KIAA1217: variants seen among roughly 807,000 people sequenced by gnomAD.
The protein encoded by KIAA1217 is KIAA1217.
KIAA1217 carries 88 observed loss-of-function variants against 163.9 expected under a neutral mutation model. That is an observed-to-expected ratio of 0.54 (90% CI 0.45 to 0.64). The LOEUF is 0.64. Among genes scored for constraint, KIAA1217 ranks in the 30% least tolerant of loss-of-function variants. The pLI is 0.00. For synonymous variants in KIAA1217, 903 were observed against 923.1 expected (o/e 0.98, Z 0.39); for missense variants, 2,372 against 2,475.0 (o/e 0.96, Z 0.88).
intron 1 of KIAA1217, among the ~76,000 whole-genome samples, chr10:23,784,624 T>C (rs1835408876): frequency 6.6e-6 from 1 of 152,224 alleles, no homozygotes; most frequent in African/African-American, 2.4e-5. Context: ...GTGCATTTAG[T>C]ATATGTTTTG....
At chr10:24,329,422 A>G (rs1413130365) in intron 2 of KIAA1217, among the ~76,000 whole-genome samples, 2 of 152,016 alleles carry the variant, frequency 1.3e-5, no homozygotes, top group Admixed American at 1.3e-4. Flanking sequence ...TTTCTAGAGT[A>G]AAATCATTAT....
intron 1 of KIAA1217, among the ~76,000 whole-genome samples, chr10:23,822,211 T>C (rs1046118950): frequency 6.6e-6 from 1 of 152,166 alleles, no homozygotes; most frequent in Non-Finnish European, 1.5e-5. Context: ...AAAGCCTGCA[T>C]AGGGCTTTTT....
intron 1 of KIAA1217, among the ~76,000 whole-genome samples, chr10:23,773,463 T>C (rs1385781389): frequency 6.6e-6 from 1 of 151,710 alleles, no homozygotes; most frequent in Non-Finnish European, 1.5e-5. Context: ...TTTGGTTCCA[T>C]ATGAACTTTA....
intron 3 of KIAA1217, among the ~76,000 whole-genome samples, chr10:24,395,635 T>C (rs2055625302): frequency 6.6e-6 from 1 of 152,238 alleles, no homozygotes; most frequent in Admixed American, 6.5e-5. Flanking sequence ...AGGCACGTTC[T>C]TGTGCTTCCA....
chr10:24,393,314 C>G (rs1475448443), intron 3 of KIAA1217, among the ~76,000 whole-genome samples: 1 of 152,160 alleles, frequency 6.6e-6, no homozygotes, highest in Non-Finnish European at 1.5e-5. Context: ...AGTGAAAGGT[C>G]CTGGTCTACT....
chr10:23,867,912 A>C (rs1034475236), intron 1 of KIAA1217, among the ~76,000 whole-genome samples: 2 of 152,134 alleles, frequency 1.3e-5, no homozygotes, highest in Non-Finnish European at 2.9e-5. Context: ...TGTTTTAGAC[A>C]TGAAGTCCTT....
At chr10:24,303,133 C>G (rs1396261199) in intron 2 of KIAA1217, among the ~76,000 whole-genome samples, 1 of 152,084 alleles carries the variant, frequency 6.6e-6, no homozygotes, top group Non-Finnish European at 1.5e-5. Flanking sequence ...CCCATCTCAG[C>G]CTTCCTAGTA....
intron 1 of KIAA1217, among the ~76,000 whole-genome samples, chr10:23,997,504 TG>T (rs1846537938): frequency 6.6e-6 from 1 of 152,210 alleles, no homozygotes; most frequent in African/African-American, 2.4e-5. Flanking sequence ...TAGTTTGTTC[TG>T]GGAGCTTATT....
intron 2 of KIAA1217, among the ~76,000 whole-genome samples, chr10:24,145,587 G>C (rs2064272239): frequency 6.6e-6 from 1 of 152,208 alleles, no homozygotes; most frequent in African/African-American, 2.4e-5. Flanking sequence ...ACGGAGTATT[G>C]ACTCACGTGA....
intron 1 of KIAA1217, among the ~76,000 whole-genome samples, chr10:23,840,606 C>G (rs903225538): frequency 6.6e-6 from 1 of 152,086 alleles, no homozygotes; most frequent in African/African-American, 2.4e-5. Flanking sequence ...ATTAGTGATC[C>G]TTTTACATGA....
At chr10:23,828,887 A>C (rs1838034212) in intron 1 of KIAA1217, among the ~76,000 whole-genome samples, 1 of 152,210 alleles carries the variant, frequency 6.6e-6, no homozygotes, top group African/African-American at 2.4e-5. Context: ...TTTTTGTTAA[A>C]TACTTTACAT....
At chr10:23,865,610 T>A (rs930142965) in intron 1 of KIAA1217, among the ~76,000 whole-genome samples, 5 of 152,148 alleles carry the variant, frequency 3.3e-5, no homozygotes, top group Non-Finnish European at 7.4e-5. Context: ...CCTTTTTTTT[T>A]ATAGCTTTAG....
intron 1 of KIAA1217, among the ~76,000 whole-genome samples, chr10:23,966,997 TATC>T (rs1845091788): frequency 6.6e-6 from 1 of 151,310 alleles, no homozygotes; most frequent in South Asian, 2.1e-4. Flanking sequence ...AATCTGGTGT[TATC>T]ATAAAATTTT....
chr10:24,300,711 G>A (rs1390816065), intron 2 of KIAA1217, among the ~76,000 whole-genome samples: 1 of 152,146 alleles, frequency 6.6e-6, no homozygotes, highest in Non-Finnish European at 1.5e-5. Flanking sequence ...GGGACTAGAG[G>A]CATGCACCAC....
intron 2 of KIAA1217, among the ~76,000 whole-genome samples, chr10:24,022,282 A>G (rs1203094979): frequency 2.6e-5 from 4 of 151,852 alleles, no homozygotes; most frequent in Admixed American, 1.3e-4. Context: ...AACTCAATTT[A>G]AAAGTAAACA....
intron 1 of KIAA1217, among the ~76,000 whole-genome samples, chr10:23,786,857 GTT>G (rs1176349073): frequency 2.0e-5 from 3 of 152,114 alleles, no homozygotes; most frequent in Non-Finnish European, 4.4e-5. Flanking sequence ...TAGTGAAAGT[GTT>G]TTCCAATCAT....
chr10:23,839,726 TC>T (rs1838678977), intron 1 of KIAA1217, among the ~76,000 whole-genome samples: 1 of 152,140 alleles, frequency 6.6e-6, no homozygotes, highest in African/African-American at 2.4e-5. Context: ...CTATCGCCTC[TC>T]CATCTCTGAT....
intron 2 of KIAA1217, among the ~76,000 whole-genome samples, chr10:24,361,164 C>T (rs970810454): frequency 2.3e-5 from 3 of 131,372 alleles, no homozygotes; most frequent in Non-Finnish European, 5.3e-5. Flanking sequence ...GCCACAAGCA[C>T]ATGCCATTTT....
intron 2 of KIAA1217, among the ~76,000 whole-genome samples, chr10:24,163,152 A>G (rs1037800688): frequency 6.6e-6 from 1 of 152,228 alleles, no homozygotes; most frequent in Non-Finnish European, 1.5e-5. Flanking sequence ...AGTGCTAAGA[A>G]CACAGTTGGC....
Sources: gnomAD v4.1 joint callset for allele counts (sites outside exome capture counted in the v4.1 genomes callset) on GRCh38, gnomAD v4.1.1 for gene constraint, MANE v1.5 for transcripts, NCBI Gene and HGNC (gene_info 2026-07-23, HGNC 2026-07-21) for gene names.